Variants in ROCK1 observed in about 807,000 individuals in gnomAD.
ROCK1 encodes the protein Rho associated coiled-coil containing protein kinase 1.
A neutral mutation model predicts 196.8 loss-of-function variants in ROCK1; 36 were observed. The observed-to-expected ratio is 0.18, with a 90% CI of 0.14 to 0.24. ROCK1 has a LOEUF of 0.24. Among genes scored for constraint, ROCK1 ranks in the 10% least tolerant of loss-of-function variants. The pLI is 1.00. For missense variants in ROCK1, 920 were observed against 1,562.0 expected (o/e 0.59, Z 6.93); for synonymous variants, 443 against 515.9 (o/e 0.86, Z 1.91).
intron 17 of ROCK1, among the ~76,000 whole-genome samples, chr18:20,991,590 A>T (rs1403552942): frequency 6.6e-6 from 1 of 152,040 alleles, no homozygotes; most frequent in East Asian, 1.9e-4. Context: ...GAATAAGACA[A>T]ATTTTCAGTT....
At chr18:21,051,848 A>G (rs546775614) in intron 2 of ROCK1, among the ~76,000 whole-genome samples, 5 of 152,306 alleles carry the variant, frequency 3.3e-5, no homozygotes, top group African/African-American at 1.2e-4. Flanking sequence ...CACCACTACT[A>G]TGGGCAGGAA....
In ROCK1 at chr18:21,111,036, C is replaced by T; in HGVS notation, c.-126G>A. On this transcript the variant is annotated 5_prime_UTR_variant, in exon 1 of 33. Coordinates refer to ENST00000399799, the MANE Select transcript of ROCK1 (RefSeq NM_005406.3). This position sits in a 1 kb window ranked among gnomAD's most constrained non-coding sequence, Gnocchi z 4.2. ...GCCGGAACCTCAGGGTCACCAGGTG[C>T]GCCCGGTTCCCCCGTCTTCCCCTCA... The T allele has an allele frequency of 1.4e-6, 1 of 713,838 alleles. No individual in the cohort carries two copies. The highest frequency in any genetic ancestry group is 2.4e-6 in the Non-Finnish European group (1 of 414,702). 44.2% of individuals were successfully genotyped at this position (713,838 alleles called of 1,614,324 possible).
intron 12 of ROCK1, among the ~76,000 whole-genome samples, chr18:21,018,685 T>C (rs1368748676): frequency 1.3e-5 from 2 of 152,200 alleles, no homozygotes; most frequent in Non-Finnish European, 2.9e-5. Context: ...AATGCCTTTT[T>C]AAAAGAAATT....
At chr18:21,063,957 C>G (rs2036312800) in intron 2 of ROCK1, among the ~76,000 whole-genome samples, 1 of 152,170 alleles carries the variant, frequency 6.6e-6, no homozygotes, top group Non-Finnish European at 1.5e-5. Context: ...ATCACCTCAG[C>G]ATGTTAATTC....
intron 16 of ROCK1, among the ~76,000 whole-genome samples, chr18:21,003,725 G>A (rs2035745998): frequency 1.3e-5 from 2 of 151,996 alleles, no homozygotes; most frequent in South Asian, 4.1e-4. Context: ...TACAGGTTAG[G>A]CATCCTTAAT....
rs756203000 is a variant in ROCK1 at position 20,953,799 on chromosome 18, G to GA, written c.3854-15dup. The GA allele has an allele frequency of 1.2e-3, 1,396 of 1,121,872 alleles. No homozygotes were observed. The highest frequency in any genetic ancestry group is 1.4e-3 in the Non-Finnish European group (1,123 of 809,042). The allele number at this position is 1,121,872 out of a possible 1,614,324, so 69.5% of individuals were successfully genotyped here. A position where few individuals can be genotyped will look rare whatever the true frequency, so the allele number is the denominator to read the frequency against. ...CATCATAACTTACTATGTTAAGGAG[G>GA]AAAAAAAAAGCATAATTAAAGCCAT... On this transcript the variant is annotated splice_polypyrimidine_tract_variant and intron_variant, in intron 31 of 32. Coordinates refer to ENST00000399799, the MANE Select transcript of ROCK1 (RefSeq NM_005406.3).
chr18:20,951,096 T>C lies in ROCK1; in HGVS notation c.*288A>G, dbSNP rs959825563. The C allele has an allele frequency of 2.7e-5, 8 of 299,534 alleles. No individual in the cohort carries two copies. Among genetic ancestry groups the C allele is most frequent in the African/African-American group, 1.7e-4 (8 of 46,150 alleles). The allele number at this position is 299,534 out of a possible 1,614,324, so 18.6% of individuals were successfully genotyped here. A position where few individuals can be genotyped will look rare whatever the true frequency, so the allele number is the denominator to read the frequency against. ...ATCACGACTGACAGGCATTTTCTTA[T>C]AAATCCAAAAAGGCAGCACCTTTTA... On this transcript the variant is annotated 3_prime_UTR_variant, in exon 33 of 33. Coordinates refer to ENST00000399799, the MANE Select transcript of ROCK1 (RefSeq NM_005406.3).
chr18:21,110,213 C>T (rs964006591), intron 1 of ROCK1, among the ~76,000 whole-genome samples: 1 of 152,068 alleles, frequency 6.6e-6, no homozygotes, highest in Non-Finnish European at 1.5e-5. Flanking sequence ...ACTTTTGTAA[C>T]CAATAATACA....
chr18:21,021,369 G>A (rs2143464655), intron 11 of ROCK1, among the ~76,000 whole-genome samples: 1 of 152,208 alleles, frequency 6.6e-6, no homozygotes, highest in Middle Eastern at 3.4e-3. Context: ...AGAACTTTGG[G>A]AAATGTTAAT....
At chr18:20,977,608 G>C (rs1279080662) in intron 22 of ROCK1, among the ~76,000 whole-genome samples, 1 of 152,184 alleles carries the variant, frequency 6.6e-6, no homozygotes, top group Non-Finnish European at 1.5e-5. Flanking sequence ...TAATTGGATA[G>C]CTGCACAAAG....
chr18:20,978,016 C>T (rs1197619167), intron 22 of ROCK1, among the ~76,000 whole-genome samples: 1 of 152,164 alleles, frequency 6.6e-6, no homozygotes, highest in East Asian at 1.9e-4. Context: ...AGATAATATA[C>T]AGCTCTGCAA....
chr18:20,971,052 T>C (rs2035421258), intron 22 of ROCK1, among the ~76,000 whole-genome samples: 1 of 152,102 alleles, frequency 6.6e-6, no homozygotes, highest in Non-Finnish European at 1.5e-5. Context: ...TACAAACTAA[T>C]CTGAGAATGC....
intron 10 of ROCK1, among the ~76,000 whole-genome samples, chr18:21,025,841 C>T (rs1439686567): frequency 2.0e-5 from 3 of 152,218 alleles, no homozygotes; most frequent in Non-Finnish European, 2.9e-5. Flanking sequence ...ATTTATTTGT[C>T]AATAGGCTGT....
chr18:20,948,574 C>G lies in ROCK1; in HGVS notation c.*2810G>C, dbSNP rs2035151996. Reference sequence around the variant, plus strand: ...TGAATAATGACAGTGGCTATGTTTTCTTTGTTGCCCAAAGCTGGAGTTCCT... The same window carrying G: ...TGAATAATGACAGTGGCTATGTTTTGTTTGTTGCCCAAAGCTGGAGTTCCT... On this transcript the variant is annotated 3_prime_UTR_variant, in exon 33 of 33. Transcript: ENST00000399799. 1.3e-5 allele frequency: 2 copies of G among 150,182 alleles called. No individual in the cohort carries two copies. The highest frequency in any genetic ancestry group is 5.0e-5 in the African/African-American group (2 of 39,784). 9.3% of individuals were successfully genotyped at this position (150,182 alleles called of 1,614,324 possible).
intron 2 of ROCK1, among the ~76,000 whole-genome samples, chr18:21,062,398 G>A (rs1269605396): frequency 6.6e-6 from 1 of 152,074 alleles, no homozygotes; most frequent in Non-Finnish European, 1.5e-5. Flanking sequence ...TTAGGTTGGT[G>A]CAAAAGCAAT....
intron 9 of ROCK1, among the ~76,000 whole-genome samples, chr18:21,032,279 T>G (rs1330041735): frequency 2.0e-5 from 3 of 152,184 alleles, no homozygotes; most frequent in African/African-American, 7.2e-5. Flanking sequence ...GTTTTTAAGC[T>G]ACTCAAAGTA....
Position 21,110,966 on chromosome 18 carries a change from C to G in ROCK1, c.-56G>C. On this transcript the variant is annotated 5_prime_UTR_variant, in exon 1 of 33. Transcript: ENST00000399799. ...CAGCACCAGCAGCGGAAAGCAATTT[C>G]AACCAACTTCCTCCGCGGTGGGTTC... is the stretch of plus-strand genomic sequence containing the variant. 1.4e-6 allele frequency: 2 copies of G among 1,444,646 alleles called. No homozygotes were observed. Among genetic ancestry groups the G allele is most frequent in the Non-Finnish European group, 1.9e-6 (2 of 1,027,940 alleles). The allele number at this position is 1,444,646 out of a possible 1,614,324, so 89.5% of individuals were successfully genotyped here.
chr18:20,978,794 G>C (rs1187027531), intron 22 of ROCK1, among the ~76,000 whole-genome samples: 1 of 152,210 alleles, frequency 6.6e-6, no homozygotes, highest in Non-Finnish European at 1.5e-5. Flanking sequence ...ATAATTAGGA[G>C]GTGGGATATA....
chr18:21,011,991 T>C (rs288987), intron 13 of ROCK1, among the ~76,000 whole-genome samples: 2,342 of 152,294 alleles, frequency 0.015, 60 homozygotes, highest in African/African-American at 0.053. Flanking sequence ...TCACCCAGGC[T>C]GGAGTGCAGT....
Sources: gnomAD v4.1 joint callset for allele counts (sites outside exome capture counted in the v4.1 genomes callset) on GRCh38, gnomAD v4.1.1 for gene constraint, Gnocchi (gnomAD v3.1) non-coding constraint, MANE v1.5 for transcripts, NCBI Gene and HGNC (gene_info 2026-07-23, HGNC 2026-07-21) for gene names.